PRR5: variants seen among roughly 807,000 people sequenced by gnomAD.
PRR5 encodes proline-rich protein 5.
Under a neutral mutation model 30.6 loss-of-function variants are expected in PRR5, and 25 were observed. The observed-to-expected ratio is 0.82, with a 90% confidence interval of 0.60 to 1.14. The LOEUF (loss-of-function observed/expected upper bound fraction) is 1.14. Ranked by LOEUF, PRR5 falls within the 50% of genes most tolerant of loss-of-function variation. The probability of loss-of-function intolerance (pLI) is 0.00; values close to 1 mark genes in which losing one functional copy is unlikely to be tolerated. For synonymous variants in PRR5, 286 were observed against 247.1 expected (o/e 1.16, Z -1.48); for missense variants, 600 against 547.1 (o/e 1.10, Z -0.96).
chr22:44,721,504 A>G (rs1461698422), intron 2 of PRR5, among the ~76,000 whole-genome samples: 3 of 152,202 alleles, frequency 2.0e-5, no homozygotes, highest in South Asian at 2.1e-4. Flanking sequence ...GGCCCAACCA[A>G]TTGTGGTAGG....
chr22:44,732,162 C>A (rs1922120582), intron 5 of PRR5, 89 bp from the exon 6 acceptor site: 2 of 1,563,576 alleles, frequency 1.3e-6, no homozygotes, highest in Non-Finnish European at 1.7e-6. Flanking sequence ...CGGCAGGTCT[C>A]TTCCCCCTGT....
At chr22:44,675,256 A>C (rs1192388192), upstream of PRR5, among the ~76,000 whole-genome samples, 1 of 152,092 alleles carries the variant, frequency 6.6e-6, no homozygotes, top group African/African-American at 2.4e-5. Context: ...TCTCAAAAAA[A>C]AAAGAAAAAA....
chr22:44,694,184 G>A (rs1925544618), intron 1 of PRR5, among the ~76,000 whole-genome samples: 1 of 152,178 alleles, frequency 6.6e-6, no homozygotes, highest in African/African-American at 2.4e-5. Context: ...AGGCACCTGT[G>A]TGGTGCTGGC....
At chr22:44,720,650 G>A (rs1354350865) in intron 2 of PRR5, among the ~76,000 whole-genome samples, 1 of 152,202 alleles carries the variant, frequency 6.6e-6, no homozygotes, top group East Asian at 1.9e-4. Flanking sequence ...TTCCTGGCCA[G>A]GGGCAGTGGG....
chr22:44,733,793 G>A (rs1271639248), intron 6 of PRR5, among the ~76,000 whole-genome samples: 2 of 152,130 alleles, frequency 1.3e-5, no homozygotes, highest in Admixed American at 6.5e-5. Context: ...CCTACTCATT[G>A]TAACACAGGC....
chr22:44,689,718 G>A (rs1440135070), intron 1 of PRR5, among the ~76,000 whole-genome samples: 7 of 152,160 alleles, frequency 4.6e-5, no homozygotes, highest in African/African-American at 1.4e-4. Flanking sequence ...GCGTGATCTC[G>A]GCTCACTGCA....
intron 6 of PRR5, 66 bp downstream of exon 6, chr22:44,732,457 C>T (rs1922202054): frequency 6.4e-7 from 1 of 1,555,570 alleles, no homozygotes; most frequent in Non-Finnish European, 8.7e-7. Flanking sequence ...CAGGTCCCCA[C>T]AGGCAGAGCA....
chr22:44,699,895 A>G (rs575619711), upstream of PRR5, among the ~76,000 whole-genome samples: 5 of 150,786 alleles, frequency 3.3e-5, no homozygotes, highest in South Asian at 6.3e-4. Context: ...AATTCAGTAC[A>G]TGCTTTAGTA....
intron 1 of PRR5, among the ~76,000 whole-genome samples, chr22:44,680,244 A>G (rs1400849656): frequency 6.6e-6 from 1 of 152,132 alleles, no homozygotes; most frequent in African/African-American, 2.4e-5. Flanking sequence ...AGTTTGCTGT[A>G]CCTCTCTGAG....
At position 44,723,153 on chromosome 22, in the gene PRR5, T is replaced by A. The variant is rs563461353; in HGVS notation, c.216-2091T>A. 1.9e-4 allele frequency among the ~76,000 whole-genome samples: 29 copies of A among 151,970 alleles called. No individual in the cohort carries two copies. In the South Asian group the frequency reaches 2.3e-3, roughly 12 times the overall value. ...GGTGCCCACCACCACGCCCAGCTAA[T>A]TTTTGCATTTTTAGTAGATGGGGTG... On this transcript the variant is annotated intron_variant, in intron 2 of 7. Transcript: ENST00000336985.
intron 2 of PRR5, among the ~76,000 whole-genome samples, chr22:44,723,039 G>A (rs897587355): frequency 6.7e-6 from 1 of 150,332 alleles, no homozygotes; most frequent in Non-Finnish European, 1.5e-5. Context: ...AGGCTGGAGT[G>A]CAGTGGTGCG....
chr22:44,737,093 G>C lies in PRR5; in HGVS notation c.1013G>C (p.Ser338Thr). The C allele has an allele frequency of 1.9e-6, 3 of 1,611,728 alleles. No homozygotes were observed. In the South Asian group the frequency reaches 3.3e-5, roughly 18 times the overall value. ...GAGCAGGGCTTGGATCCCACCCGCA[G>C]CTCCCTGCCCCGCTCCAGCCCGGAG... is the stretch of plus-strand genomic sequence containing the variant. Reference protein sequence around the residue: ...PPEQGLDPTRSSLPRSSPENL... With the variant: ...PPEQGLDPTRTSLPRSSPENL... The change falls in exon 8 of 8, where the codon AGC (serine) becomes ACC (threonine). Residue 338 changes from serine (S) to threonine (T), a missense_variant. Ser to Thr is a moderately conservative substitution (Grantham distance 58, BLOSUM62 1). Coordinates refer to ENST00000336985, the MANE Select transcript of PRR5 (RefSeq NM_181333.4).
intron 1 of PRR5, among the ~76,000 whole-genome samples, chr22:44,709,863 CAG>C (rs1364002552): frequency 2.0e-5 from 3 of 152,118 alleles, no homozygotes; most frequent in African/African-American, 7.2e-5. Context: ...AAAAAACAAA[CAG>C]AGAAAAAGAA....
chr22:44,735,186 G>T (rs368017979), intron 7 of PRR5, 24 bp downstream of exon 7: 113 of 1,606,470 alleles, frequency 7.0e-5, no homozygotes, highest in Middle Eastern at 3.3e-4. Context: ...TGGGCCTTGG[G>T]CTGGGGCAGG....
chr22:44,676,113 G>A (rs1451396296), upstream of PRR5, among the ~76,000 whole-genome samples: 1 of 152,032 alleles, frequency 6.6e-6, no homozygotes, highest in African/African-American at 2.4e-5. Context: ...GCTGGGCGCA[G>A]TGGCTCATGT....
chr22:44,705,468 C>T (rs1046555838), intron 1 of PRR5, among the ~76,000 whole-genome samples: 15 of 151,890 alleles, frequency 9.9e-5, no homozygotes, highest in Admixed American at 7.2e-4. Context: ...GGATTACAGG[C>T]GCCCACCACC....
intron 3 of PRR5, among the ~76,000 whole-genome samples, chr22:44,726,164 C>T (rs1015498912): frequency 4.6e-5 from 7 of 152,172 alleles, no homozygotes; most frequent in African/African-American, 1.2e-4. Context: ...GGTTCTTGGC[C>T]GAGCCACCCC....
At chr22:44,670,335 C>T (rs1013871405) in intron 1 of PRR5, among the ~76,000 whole-genome samples, 7 of 152,188 alleles carry the variant, frequency 4.6e-5, no homozygotes, top group East Asian at 1.9e-4. Flanking sequence ...TTGTTTAAAT[C>T]GTGGGGCGGG....
chr22:44,672,540 C>T (rs1304233624), upstream of PRR5, among the ~76,000 whole-genome samples: 2 of 152,160 alleles, frequency 1.3e-5, no homozygotes, highest in African/African-American at 2.4e-5. Context: ...GCTGAGATCA[C>T]GTGCCTGCAC....
Sources: allele counts gnomAD v4.1 joint callset (sites outside exome capture counted in the v4.1 genomes callset), GRCh38; gene constraint gnomAD v4.1.1; transcripts MANE v1.5; gene names NCBI Gene and HGNC (gene_info 2026-07-23, HGNC 2026-07-21).